RFC3: variants seen among roughly 807,000 people sequenced by gnomAD.
The protein encoded by RFC3 is A1 38 kDa subunit.
A neutral mutation model predicts 45.1 loss-of-function variants in RFC3; 41 were observed. That is an observed-to-expected ratio of 0.91 (90% CI 0.71 to 1.18). The LOEUF is 1.18. Ranked by LOEUF, RFC3 falls within the 50% of genes most tolerant of loss-of-function variation. The probability of loss-of-function intolerance (pLI) is 0.00; values close to 1 mark genes in which losing one functional copy is unlikely to be tolerated. For missense variants in RFC3, 423 were observed against 428.1 expected (o/e 0.99, Z 0.10); for synonymous variants, 149 against 144.0 (o/e 1.03, Z -0.25).
downstream of RFC3, among the ~76,000 whole-genome samples, chr13:33,840,502 T>G (rs113045982): frequency 3.2e-4 from 48 of 152,286 alleles, no homozygotes; most frequent in African/African-American, 1.1e-3. Context: ...TTTCTTGCCT[T>G]TTTGTATGTG....
Position 33,821,531 on chromosome 13 carries a change from A to G in RFC3, c.225+262A>G, listed in dbSNP as rs1204321688. Among the ~76,000 whole-genome samples, 3 of 152,232 alleles carry G rather than the reference A, an allele frequency of 2.0e-5. No individual in the cohort carries two copies. The East Asian group carries it at 5.8e-4, about 29-fold the overall frequency. ...GGTGAGATTAATTTCAGATTACCTA[A>G]TAAGACAATGTCTTAGCTGAAATTA... On this transcript the variant is annotated intron_variant, in intron 2 of 8. Coordinates refer to ENST00000380071, the MANE Select transcript of RFC3 (RefSeq NM_002915.4).
At chr13:33,960,872 C>T (rs1443532638) in intron 8 of RFC3, among the ~76,000 whole-genome samples, 1 of 152,136 alleles carries the variant, frequency 6.6e-6, no homozygotes, top group African/African-American at 2.4e-5. Flanking sequence ...GCTTTTGGGG[C>T]CACGTTTAAA....
chr13:33,900,419 A>G (rs1307836998), intron 8 of RFC3, among the ~76,000 whole-genome samples: 3 of 151,936 alleles, frequency 2.0e-5, no homozygotes, highest in African/African-American at 7.2e-5. Context: ...CCAAGAATGT[A>G]CAATGGAAAA....
chr13:33,973,655 C>CTTT, the RFC3 span, among the ~76,000 whole-genome samples: 2 of 134,878 alleles, frequency 1.5e-5, no homozygotes, highest in Non-Finnish European at 1.7e-5. Context: ...TCTTCTTCTT[C>CTTT]TTTTTTTTTT....
At chr13:33,846,789 G>T (rs1365272506) in intron 8 of RFC3, 1 of 152,272 alleles carries the variant, frequency 6.6e-6, no homozygotes, top group Non-Finnish European at 1.5e-5. Flanking sequence ...TCTGCCCACT[G>T]GGATAGACAA....
intron 8 of RFC3, among the ~76,000 whole-genome samples, chr13:33,919,603 G>A (rs1376950447): frequency 6.6e-6 from 1 of 152,088 alleles, no homozygotes; most frequent in Non-Finnish European, 1.5e-5. Flanking sequence ...TTTCCTGAAA[G>A]TAGTGATGTA....
chr13:33,898,603 G>A (rs999314096), intron 8 of RFC3, among the ~76,000 whole-genome samples: 2 of 151,670 alleles, frequency 1.3e-5, no homozygotes, highest in Non-Finnish European at 3.0e-5. Flanking sequence ...AATGTACTAG[G>A]GAGGTAGAAC....
At chr13:33,863,973 A>C (rs1319615026) in intron 8 of RFC3, among the ~76,000 whole-genome samples, 2 of 152,042 alleles carry the variant, frequency 1.3e-5, no homozygotes, top group Non-Finnish European at 2.9e-5. Context: ...ATTTATAAGG[A>C]GAAGAGGTTT....
chr13:33,918,377 C>A (rs2082746547), intron 8 of RFC3, among the ~76,000 whole-genome samples: 1 of 152,022 alleles, frequency 6.6e-6, no homozygotes, highest in South Asian at 2.1e-4. Context: ...TTTCATGGCC[C>A]CTGGCTGGCT....
chr13:33,960,486 A>T (rs1399259721), intron 8 of RFC3, among the ~76,000 whole-genome samples: 1 of 152,224 alleles, frequency 6.6e-6, no homozygotes, highest in Non-Finnish European at 1.5e-5. Flanking sequence ...TGTTAGGCCC[A>T]TCTGACACAC....
intron 4 of RFC3, among the ~76,000 whole-genome samples, chr13:33,827,549 T>TA (rs1489583262): frequency 6.6e-6 from 1 of 152,226 alleles, no homozygotes; most frequent in African/African-American, 2.4e-5. Flanking sequence ...AAATTAATAA[T>TA]ACCTGATTAC....
intron 8 of RFC3, among the ~76,000 whole-genome samples, chr13:33,937,074 T>C (rs2082891252): frequency 6.6e-6 from 1 of 152,182 alleles, no homozygotes; most frequent in Admixed American, 6.5e-5. Context: ...AATCATCAGG[T>C]TGTACATCTT....
chr13:33,818,657 A>T (rs1334879573), intron 1 of RFC3, among the ~76,000 whole-genome samples: 1 of 152,176 alleles, frequency 6.6e-6, no homozygotes, highest in Admixed American at 6.5e-5. Flanking sequence ...AGATGGGTGT[A>T]TGTGTTGGGA....
At chr13:33,956,502 T>C (rs1460607601) in intron 8 of RFC3, among the ~76,000 whole-genome samples, 2 of 152,218 alleles carry the variant, frequency 1.3e-5, no homozygotes, top group African/African-American at 2.4e-5. Context: ...ACTAGAAACA[T>C]ATGCTACAGG....
At position 33,831,304 on chromosome 13, in the gene RFC3, G is replaced by A. The variant is rs1360674563; in HGVS notation, c.759G>A (p.Val253=). 1.2e-6 allele frequency: 2 copies of A among 1,611,308 alleles called. No individual in the cohort carries two copies. Among genetic ancestry groups the A allele is most frequent in the Admixed American group, 1.7e-5 (1 of 60,000 alleles). Residue 253 remains valine, a synonymous_variant, in exon 7 of 9, where the codon GTG becomes GTA. Coordinates refer to ENST00000380071, the MANE Select transcript of RFC3 (RefSeq NM_002915.4). The part of the protein sequence containing the change: ...DQEIPETDWE[V]YLRETANAIV... ...AAATCCCTGAGACAGATTGGGAGGT[G>A]TATCTGAGGGAGACTGCAAATGCTA... is the stretch of plus-strand genomic sequence containing the variant.
intron 5 of RFC3, 131 bp downstream of exon 5, chr13:33,830,148 A>G (rs56086917): frequency 1.3e-6 from 1 of 751,672 alleles, no homozygotes; most frequent in South Asian, 1.8e-5. Context: ...AAGCATTAAT[A>G]TGTGAACAAA....
intron 8 of RFC3, among the ~76,000 whole-genome samples, chr13:33,883,723 T>G (rs1419784806): frequency 1.3e-5 from 2 of 152,150 alleles, no homozygotes; most frequent in African/African-American, 4.8e-5. Flanking sequence ...AAATAAAAAG[T>G]TATGTTTAAA....
At chr13:33,846,337 C>CATATTA (rs1410232475) in intron 8 of RFC3, 2 of 152,242 alleles carry the variant, frequency 1.3e-5, no homozygotes, top group Non-Finnish European at 2.9e-5. Context: ...TCTGCCAGAG[C>CATATTA]TGGGTTCTTC....
intron 8 of RFC3, among the ~76,000 whole-genome samples, chr13:33,845,163 A>G (rs967377002): frequency 7.9e-5 from 12 of 152,120 alleles, no homozygotes; most frequent in Non-Finnish European, 1.8e-4. Flanking sequence ...TTGGAGCCCC[A>G]TTGTATGTTG....
Sources: gnomAD v4.1 joint callset for allele counts (sites outside exome capture counted in the v4.1 genomes callset) on GRCh38, gnomAD v4.1.1 for gene constraint, MANE v1.5 for transcripts, NCBI Gene and HGNC (gene_info 2026-07-23, HGNC 2026-07-21) for gene names.